SGCD: variants seen among roughly 807,000 people sequenced by gnomAD.
SGCD encodes the protein sarcoglycan delta, also known as delta-sarcoglycan.
Under a neutral mutation model 36.6 loss-of-function variants are expected in SGCD, and 18 were observed. That is an observed-to-expected ratio of 0.49 (90% CI 0.34 to 0.73). SGCD has a LOEUF of 0.73. SGCD is among the 30% of genes least tolerant of loss of function. The pLI is 0.01. For missense variants in SGCD, 387 were observed against 346.7 expected (o/e 1.12, Z -0.92); for synonymous variants, 133 against 130.6 (o/e 1.02, Z -0.12).
chr5:155,797,688 A>T, the SGCD span, among the ~76,000 whole-genome samples: 3 of 152,338 alleles, frequency 2.0e-5, no homozygotes, highest in African/African-American at 4.8e-5. Flanking sequence ...TAGACAAAAA[A>T]TCCCCAAGCT....
rs1381854434 is a variant in SGCD at position 156,759,920 on chromosome 5, T to TC, written c.*535dup. 1 of 151,904 alleles carries TC rather than the reference T, an allele frequency of 6.6e-6. No individual in the cohort carries two copies. The highest frequency in any genetic ancestry group is 1.5e-5 in the Non-Finnish European group (1 of 67,996). 9.4% of individuals were successfully genotyped at this position (151,904 alleles called of 1,614,324 possible). A position where few individuals can be genotyped will look rare whatever the true frequency, so the allele number is the denominator to read the frequency against. ...TTAGCTTTAGTAAGGCTGGCTAACTTCCCCCTCTTCAAGCTAGGAACTGGC... is the reference window on the plus strand; with the variant it reads ...TTAGCTTTAGTAAGGCTGGCTAACTTCCCCCCTCTTCAAGCTAGGAACTGGC... On this transcript the variant is annotated 3_prime_UTR_variant, in exon 9 of 9. Transcript: ENST00000337851.
chr5:156,108,240 A>G (rs986947910), intron 1 of SGCD, among the ~76,000 whole-genome samples: 3 of 152,138 alleles, frequency 2.0e-5, no homozygotes, highest in Non-Finnish European at 4.4e-5. Context: ...AAAAAATTTA[A>G]ATTACACGAC....
rs909411971 is a variant in SGCD at position 155,916,496 on chromosome 5, G to A, written c.-282+46072G>A. On this transcript the variant is annotated intron_variant, in intron 1 of 9. Coordinates refer to the SGCD transcript ENST00000517913. Reference sequence around the variant, plus strand: ...GGCCTGGGGTAGTCTTGTTTTTGGTGTTTGATAATTGAAGAGGTGTGAAGG... The same window carrying A: ...GGCCTGGGGTAGTCTTGTTTTTGGTATTTGATAATTGAAGAGGTGTGAAGG... Among the ~76,000 whole-genome samples the A allele has an allele frequency of 2.6e-5, 4 of 152,260 alleles. No individual in the cohort carries two copies. The East Asian group carries it at 5.8e-4, about 22-fold the overall frequency.
chr5:155,906,850 T>C (rs962433115), intron 1 of SGCD, among the ~76,000 whole-genome samples: 1 of 149,992 alleles, frequency 6.7e-6, no homozygotes, highest in Admixed American at 6.6e-5. Context: ...ATTCAGAAGA[T>C]CTAGCTGAAA....
intron 7 of SGCD, among the ~76,000 whole-genome samples, chr5:156,719,241 A>C (rs1189833399): frequency 6.6e-6 from 1 of 152,110 alleles, no homozygotes; most frequent in Non-Finnish European, 1.5e-5. Context: ...CTTTTGATAC[A>C]ACTGTTGTTC....
At chr5:156,162,057 G>A (rs1431306410) in intron 3 of SGCD, among the ~76,000 whole-genome samples, 2 of 136,892 alleles carry the variant, frequency 1.5e-5, no homozygotes, top group Non-Finnish European at 3.1e-5. Context: ...GATTCTCTAG[G>A]AAACAGAATG....
In SGCD at chr5:156,204,661, G is replaced by A. The variant is rs189480363; in HGVS notation, c.-44+80642G>A. ...CATCTGAGAGAAAGGGGTGATAACA[G>A]TATCTCATGAAATTGTTGTGAGGAA... On this transcript the variant is annotated intron_variant, in intron 3 of 9. Coordinates refer to the SGCD transcript ENST00000517913. Among the ~76,000 whole-genome samples, 223 of 152,212 alleles carry A rather than the reference G, an allele frequency of 1.5e-3. 1 individual carries two copies. Among genetic ancestry groups the A allele is most frequent in the African/African-American group, 5.2e-3 (216 of 41,566 alleles).
At chr5:156,414,469 A>G (rs777041118) in intron 3 of SGCD, among the ~76,000 whole-genome samples, 7 of 152,258 alleles carry the variant, frequency 4.6e-5, no homozygotes, top group Non-Finnish European at 7.3e-5. Flanking sequence ...TTGACAGGAA[A>G]TAAAGGTTAT....
intron 3 of SGCD, among the ~76,000 whole-genome samples, chr5:156,434,162 A>G (rs184014184): frequency 6.6e-6 from 1 of 152,348 alleles, no homozygotes; most frequent in East Asian, 1.9e-4. Context: ...TAATACCAGA[A>G]GAAGGATGAT....
chr5:155,999,246 G>A (rs939803972), intron 1 of SGCD, among the ~76,000 whole-genome samples: 6 of 152,180 alleles, frequency 3.9e-5, no homozygotes, highest in African/African-American at 1.4e-4. Flanking sequence ...GCCTCAGACA[G>A]ACAAGATAAA....
At chr5:156,615,531 T>C (rs186238666) in intron 6 of SGCD, among the ~76,000 whole-genome samples, 125 of 152,334 alleles carry the variant, frequency 8.2e-4, no homozygotes, top group African/African-American at 2.9e-3. Context: ...TTGAATTTGA[T>C]GAAACTCTAC....
At chr5:155,905,096 G>T (rs929287299) in intron 1 of SGCD, among the ~76,000 whole-genome samples, 2 of 152,110 alleles carry the variant, frequency 1.3e-5, no homozygotes, top group African/African-American at 4.8e-5. Flanking sequence ...TAAATGTTAG[G>T]GATGATCTGC....
At chr5:156,405,041 C>T (rs943734344) in intron 3 of SGCD, among the ~76,000 whole-genome samples, 2 of 152,142 alleles carry the variant, frequency 1.3e-5, no homozygotes, top group African/African-American at 4.8e-5. Context: ...CCAGCCTAAT[C>T]ACATAAGCCC....
At chr5:156,091,024 C>T (rs1240708286) in intron 1 of SGCD, among the ~76,000 whole-genome samples, 1 of 152,160 alleles carries the variant, frequency 6.6e-6, no homozygotes, top group African/African-American at 2.4e-5. Context: ...TTCAAACACA[C>T]GTTTTGCAAA....
chr5:156,145,378 G>C (rs528407162), intron 3 of SGCD, among the ~76,000 whole-genome samples: 1 of 152,252 alleles, frequency 6.6e-6, no homozygotes, highest in East Asian at 1.9e-4. Context: ...AGAATCATGA[G>C]CCAATTAAAT....
chr5:155,785,128 G>A, the SGCD span, among the ~76,000 whole-genome samples: 6,707 of 152,132 alleles, frequency 0.044, 324 homozygotes, highest in African/African-American at 0.12. Flanking sequence ...GGTAATGAAT[G>A]AATGATGCAT....
intron 4 of SGCD, among the ~76,000 whole-genome samples, chr5:156,536,934 C>T (rs938863072): frequency 6.6e-6 from 1 of 152,124 alleles, no homozygotes; most frequent in African/African-American, 2.4e-5. Flanking sequence ...GTCCTAGACC[C>T]TACCAGGATA....
chr5:156,747,242 G>T (rs1237440761), intron 7 of SGCD, among the ~76,000 whole-genome samples: 3 of 152,160 alleles, frequency 2.0e-5, no homozygotes, highest in East Asian at 1.9e-4. Flanking sequence ...AACTATCCTG[G>T]AAAACAGTTT....
At chr5:156,245,356 G>A (rs532897700) in intron 3 of SGCD, among the ~76,000 whole-genome samples, 1 of 152,258 alleles carries the variant, frequency 6.6e-6, no homozygotes, top group South Asian at 2.1e-4. Context: ...GAAAATGCCA[G>A]CTAATAAATG....
Sources: allele counts gnomAD v4.1 joint callset (sites outside exome capture counted in the v4.1 genomes callset), GRCh38; gene constraint gnomAD v4.1.1; transcripts MANE v1.5; gene names NCBI Gene and HGNC (gene_info 2026-07-23, HGNC 2026-07-21).